The following SV2C variants were observed in gnomAD, a reference collection of about 807,000 sequenced individuals.
SV2C encodes synaptic vesicle glycoprotein 2C.
SV2C carries 49 observed loss-of-function variants against 79.7 expected under a neutral mutation model. The observed-to-expected ratio is 0.61, with a 90% CI of 0.49 to 0.78. SV2C has a LOEUF of 0.78. Among genes scored for constraint, SV2C ranks in the 30% least tolerant of loss-of-function variants. The pLI is 0.00. For synonymous variants in SV2C, 334 were observed against 333.2 expected (o/e 1.00, Z -0.03); for missense variants, 833 against 912.9 (o/e 0.91, Z 1.13).
At chr5:76,085,048 C>T (rs1341207331) in intron 1 of SV2C, among the ~76,000 whole-genome samples, 1 of 152,242 alleles carries the variant, frequency 6.6e-6, no homozygotes, top group Admixed American at 6.5e-5. Context: ...TGAACCTAAT[C>T]CCTTCATACT....
chr5:76,073,503 G>GTATA, the SV2C span, among the ~76,000 whole-genome samples: 1,945 of 67,176 alleles, frequency 0.029, 71 homozygotes, highest in Non-Finnish European at 0.039. Context: ...GTATGTGTGT[G>GTATA]TATATATATA....
At chr5:76,023,462 C>A in the SV2C span, among the ~76,000 whole-genome samples, 1 of 151,942 alleles carries the variant, frequency 6.6e-6, no homozygotes, top group Non-Finnish European at 1.5e-5. Context: ...TTTTCAAATG[C>A]GTCTTATAGG....
chr5:76,006,341 T>C, the SV2C span, among the ~76,000 whole-genome samples: 1 of 152,144 alleles, frequency 6.6e-6, no homozygotes, highest in African/African-American at 2.4e-5. Context: ...ATCCTCTTCT[T>C]TTCCCTGCTT....
chr5:76,236,117 A>G (rs56280832), intron 4 of SV2C, among the ~76,000 whole-genome samples: 17,873 of 152,232 alleles, frequency 0.12, 3,052 homozygotes, highest in African/African-American at 0.38. Flanking sequence ...TGTCAGCAGC[A>G]TACCCAAAGA....
intron 4 of SV2C, among the ~76,000 whole-genome samples, chr5:76,259,672 C>T (rs1162174392): frequency 6.6e-6 from 1 of 151,790 alleles, no homozygotes; most frequent in Non-Finnish European, 1.5e-5. Context: ...TTGTTCACCT[C>T]CCACTTATGA....
the SV2C span, among the ~76,000 whole-genome samples, chr5:75,897,676 G>A: frequency 9.8e-5 from 15 of 152,390 alleles, no homozygotes; most frequent in East Asian, 3.9e-4. Context: ...CCATTTTCAC[G>A]ATATTGATTC....
the SV2C span, among the ~76,000 whole-genome samples, chr5:75,953,505 A>G: frequency 3.3e-5 from 5 of 152,168 alleles, no homozygotes; most frequent in South Asian, 2.1e-4. Context: ...CCACAAATTT[A>G]TAATAAAGTC....
At chr5:76,293,939 C>G (rs1292533533) in intron 8 of SV2C, among the ~76,000 whole-genome samples, 1 of 152,204 alleles carries the variant, frequency 6.6e-6, no homozygotes, top group Non-Finnish European at 1.5e-5. Context: ...TGTCCTCCTG[C>G]AAAGGCTATG....
At chr5:75,939,907 G>A in the SV2C span, among the ~76,000 whole-genome samples, 3 of 152,024 alleles carry the variant, frequency 2.0e-5, no homozygotes, top group African/African-American at 7.2e-5. Context: ...TTCAAGTCTG[G>A]CTCAGTTGCA....
intron 8 of SV2C, 107 bp from the exon 9 acceptor site, chr5:76,295,671 G>A: frequency 1.9e-6 from 2 of 1,074,146 alleles, no homozygotes; most frequent in South Asian, 3.3e-5. Flanking sequence ...GTTATAGGGA[G>A]CCAGCCATTC....
rs1743787674 is a variant in SV2C at position 76,182,940 on chromosome 5, TG to T, written c.581-11978del. On this transcript the variant is annotated intron_variant, in intron 2 of 12. Transcript: ENST00000502798. ...GAGAGTGTGTGTGTGTGTGTGTATG[TG>T]AGAGAGAGAGAGAGAGACAGAGAGA... is the stretch of plus-strand genomic sequence containing the variant. 2.8e-5 allele frequency among the ~76,000 whole-genome samples: 4 copies of T among 145,232 alleles called. No homozygotes were observed. In the South Asian group the frequency reaches 8.8e-4, roughly 32 times the overall value.
At chr5:75,927,317 A>G in the SV2C span, among the ~76,000 whole-genome samples, 1 of 152,310 alleles carries the variant, frequency 6.6e-6, no homozygotes, top group Non-Finnish European at 1.5e-5. Flanking sequence ...TCAGCCTTAA[A>G]AAATACAAGG....
intron 6 of SV2C, among the ~76,000 whole-genome samples, chr5:76,290,695 TG>T (rs1337257465): frequency 6.6e-6 from 1 of 152,170 alleles, no homozygotes; most frequent in African/African-American, 2.4e-5. Context: ...TGGCTACCTG[TG>T]GGTATTTGCT....
chr5:76,291,329 G>A lies in SV2C; in HGVS notation c.1246G>A (p.Gly416Arg), dbSNP rs372122654. The change falls in exon 7 of 13, where the codon GGA becomes AGA. Residue 416 changes from glycine (G) to arginine (R), a missense_variant and splice_region_variant. Coordinates refer to ENST00000502798, the MANE Select transcript of SV2C (RefSeq NM_014979.4). ...CFVRIRTELY[G>R]IWLTFMRCFN... The stretch of plus-strand genomic sequence containing the variant: ...TGTTCGGATCCGCACCGAGCTGTAC[G>A]GAGTAAGTAACAAGTCCCATGATGA... The A allele has an allele frequency of 1.4e-5, 22 of 1,591,514 alleles. No individual in the cohort carries two copies. The highest frequency in any genetic ancestry group is 6.8e-5 in the South Asian group (6 of 87,596).
chr5:76,211,624 C>T (rs1186804817), intron 4 of SV2C, among the ~76,000 whole-genome samples: 1 of 152,170 alleles, frequency 6.6e-6, no homozygotes, highest in Non-Finnish European at 1.5e-5. Context: ...AATTAGATTT[C>T]AAAAACTCAT....
chr5:76,277,468 C>T (rs755240160), intron 4 of SV2C, among the ~76,000 whole-genome samples: 2 of 152,130 alleles, frequency 1.3e-5, no homozygotes, highest in Admixed American at 6.5e-5. Flanking sequence ...TCGACTGTAA[C>T]GCAAAGTGTA....
chr5:76,285,086 C>T (rs1054953239), intron 4 of SV2C, 76 bp from the exon 5 acceptor site: 8 of 1,577,786 alleles, frequency 5.1e-6, no homozygotes, highest in Middle Eastern at 4.1e-4. Flanking sequence ...GTCCATGGTT[C>T]GGGCATCCCG....
At chr5:76,214,880 C>T (rs560088233) in intron 4 of SV2C, among the ~76,000 whole-genome samples, 3 of 152,104 alleles carry the variant, frequency 2.0e-5, no homozygotes, top group Non-Finnish European at 2.9e-5. Context: ...TATGCTGTCA[C>T]GTTGCTGAAC....
intron 4 of SV2C, among the ~76,000 whole-genome samples, chr5:76,279,809 T>C (rs1315659270): frequency 6.6e-6 from 1 of 152,240 alleles, no homozygotes; most frequent in South Asian, 2.1e-4. Context: ...GCTGATAGAA[T>C]GACCCATCAA....
Sources: allele counts gnomAD v4.1 joint callset (sites outside exome capture counted in the v4.1 genomes callset), GRCh38; gene constraint gnomAD v4.1.1; transcripts MANE v1.5; gene names NCBI Gene and HGNC (gene_info 2026-07-23, HGNC 2026-07-21).